Variants in MYO3B observed in about 807,000 individuals in gnomAD.
MYO3B encodes the protein myosin-IIIb.
In MYO3B, 156 loss-of-function variants were observed where a neutral mutation model predicts 174.6. The observed-to-expected ratio is 0.89, with a 90% CI of 0.78 to 1.02. MYO3B has a LOEUF of 1.02. Ranked by LOEUF, MYO3B falls within the 50% of genes least tolerant of loss-of-function variation. MYO3B has a pLI of 0.00. For synonymous variants in MYO3B, 563 were observed against 569.1 expected, an observed-to-expected ratio of 0.99 and a Z score of 0.15; for missense variants, 1,632 against 1,639.4, an observed-to-expected ratio of 1.00 and a Z score of 0.08.
intron 25 of MYO3B, among the ~76,000 whole-genome samples, chr2:170,497,422 C>G (rs1423711187): frequency 6.7e-6 from 1 of 150,198 alleles, no homozygotes; most frequent in Non-Finnish European, 1.5e-5. Flanking sequence ...CGAGACCTTC[C>G]TGGCTAACAT....
At chr2:170,546,317 GC>G (rs1680312074) in intron 32 of MYO3B, among the ~76,000 whole-genome samples, 1 of 152,120 alleles carries the variant, frequency 6.6e-6, no homozygotes, top group Non-Finnish European at 1.5e-5. Flanking sequence ...TCACAACCTA[GC>G]CTAGGTCTCG....
chr2:170,199,471 G>A lies in MYO3B; in HGVS notation c.186+80G>A, dbSNP rs2092638058. On this transcript the variant is annotated intron_variant, in intron 2 of 34. Transcript: ENST00000408978. Reference sequence around the variant, plus strand: ...TTTCAACTTCTTTTCTTGATTTTAGGTTTAATTTTCATGAAACCTGGTATG... The same window carrying A: ...TTTCAACTTCTTTTCTTGATTTTAGATTTAATTTTCATGAAACCTGGTATG... 6 of 1,156,146 alleles carry A rather than the reference G, an allele frequency of 5.2e-6. No individual in the cohort carries two copies. The South Asian group carries it at 1.1e-4, about 21-fold the overall frequency. 71.6% of individuals were successfully genotyped at this position (1,156,146 alleles called of 1,614,324 possible). A position where few individuals can be genotyped will look rare whatever the true frequency, so the allele number is the denominator to read the frequency against.
intron 32 of MYO3B, among the ~76,000 whole-genome samples, chr2:170,584,530 CT>C (rs1342865913): frequency 6.6e-6 from 1 of 152,166 alleles, no homozygotes; most frequent in African/African-American, 2.4e-5. Context: ...ATACAGTTCT[CT>C]TCAACTATCT....
chr2:170,515,091 G>C, intron 29 of MYO3B, 69 bp downstream of exon 29: 5 of 1,316,164 alleles, frequency 3.8e-6, no homozygotes, highest in Non-Finnish European at 5.4e-6. Context: ...TTCCAAAGCT[G>C]GAAGTGATCA....
chr2:170,640,664 A>G lies in MYO3B; in HGVS notation c.3734-10964A>G, dbSNP rs573463592. 5.9e-5 allele frequency: 9 copies of G among 152,328 alleles called. No individual in the cohort carries two copies. In the South Asian group the frequency reaches 1.7e-3, roughly 28 times the overall value. 9.4% of individuals were successfully genotyped at this position (152,328 alleles called of 1,614,324 possible). A position where few individuals can be genotyped will look rare whatever the true frequency, so the allele number is the denominator to read the frequency against. On this transcript the variant is annotated intron_variant, in intron 32 of 34. Transcript: ENST00000408978. ...CAGATTACTTTAAGGAGAAAGTCTT[A>G]ATGGTGCTAGTATGTCTTAAATTCC...
intron 28 of MYO3B, among the ~76,000 whole-genome samples, chr2:170,506,397 G>A (rs558368550): frequency 1.3e-5 from 2 of 152,224 alleles, no homozygotes; most frequent in Non-Finnish European, 2.9e-5. Context: ...GCAATGATTA[G>A]GTGGTTGTAA....
intron 32 of MYO3B, among the ~76,000 whole-genome samples, chr2:170,566,311 T>C (rs1692074702): frequency 6.6e-6 from 1 of 152,204 alleles, no homozygotes; most frequent in Admixed American, 6.5e-5. Flanking sequence ...GGGTTGAAAG[T>C]GCAGTGTAAG....
At chr2:170,180,143 C>T in intron 1 of MYO3B, 1 of 434,398 alleles carries the variant, frequency 2.3e-6, no homozygotes, top group Non-Finnish European at 4.7e-6. Flanking sequence ...TGCAGACATT[C>T]ACAGGGTGCA....
intron 8 of MYO3B, among the ~76,000 whole-genome samples, chr2:170,364,998 A>G (rs2094187542): frequency 6.6e-6 from 1 of 152,202 alleles, no homozygotes; most frequent in South Asian, 2.1e-4. Context: ...CTGGCTCCCC[A>G]GTATGACTTC....
chr2:170,193,394 T>C (rs2092563075), intron 1 of MYO3B, among the ~76,000 whole-genome samples: 2 of 152,104 alleles, frequency 1.3e-5, no homozygotes, highest in Admixed American at 1.3e-4. Flanking sequence ...GGTTTATCTT[T>C]GACTTCTTTT....
chr2:170,331,319 T>C (rs1276681055), intron 7 of MYO3B, among the ~76,000 whole-genome samples: 6 of 152,178 alleles, frequency 3.9e-5, no homozygotes, highest in African/African-American at 1.4e-4. Flanking sequence ...GAGGTCATAT[T>C]TTTATGTTAT....
At chr2:170,527,344 A>G (rs1689068254) in intron 30 of MYO3B, among the ~76,000 whole-genome samples, 1 of 152,202 alleles carries the variant, frequency 6.6e-6, no homozygotes, top group Non-Finnish European at 1.5e-5. Flanking sequence ...AGGTCAAAAG[A>G]TGTAAACCCA....
intron 32 of MYO3B, among the ~76,000 whole-genome samples, chr2:170,549,831 G>C (rs1400679342): frequency 3.3e-5 from 5 of 152,176 alleles, no homozygotes; most frequent in African/African-American, 1.2e-4. Flanking sequence ...CCATGCAACA[G>C]AATCACTTCA....
At chr2:170,422,977 CTTTTTTT>C (rs34882424) in intron 22 of MYO3B, among the ~76,000 whole-genome samples, 9 of 88,506 alleles carry the variant, frequency 1.0e-4, no homozygotes, top group Non-Finnish European at 1.8e-4. Context: ...TTCTTTCTTT[CTTTTTTT>C]TTTTTTTTTT....
At chr2:170,352,249 G>T (rs994082783) in intron 8 of MYO3B, among the ~76,000 whole-genome samples, 3 of 152,134 alleles carry the variant, frequency 2.0e-5, no homozygotes, top group African/African-American at 7.2e-5. Flanking sequence ...CACCGTGCCC[G>T]GCCTAGGCAC....
At chr2:170,559,115 C>T (rs1691542550) in intron 32 of MYO3B, among the ~76,000 whole-genome samples, 1 of 152,190 alleles carries the variant, frequency 6.6e-6, no homozygotes, top group South Asian at 2.1e-4. Context: ...TTGTTCAACT[C>T]TCATTTTATA....
At chr2:170,556,997 C>A (rs190949782) in intron 32 of MYO3B, among the ~76,000 whole-genome samples, 1 of 152,054 alleles carries the variant, frequency 6.6e-6, no homozygotes, top group African/African-American at 2.4e-5. Context: ...TTTAAAATTG[C>A]ATTGTTTGTT....
chr2:170,256,254 A>T (rs1390464571), intron 7 of MYO3B, among the ~76,000 whole-genome samples: 2 of 152,224 alleles, frequency 1.3e-5, no homozygotes, highest in African/African-American at 4.8e-5. Flanking sequence ...TTCACAAGAA[A>T]GGTTAATATG....
intron 7 of MYO3B, among the ~76,000 whole-genome samples, chr2:170,261,919 A>G (rs1352503203): frequency 3.9e-5 from 6 of 152,160 alleles, no homozygotes; most frequent in Non-Finnish European, 8.8e-5. Flanking sequence ...GTGTGTATAT[A>G]TATGTGTGTG....
Sources: gnomAD v4.1 joint callset for allele counts (sites outside exome capture counted in the v4.1 genomes callset) on GRCh38, gnomAD v4.1.1 for gene constraint, MANE v1.5 for transcripts, NCBI Gene and HGNC (gene_info 2026-07-23, HGNC 2026-07-21) for gene names.